PTPRS: variants seen among roughly 807,000 people sequenced by gnomAD.
The protein encoded by PTPRS is protein tyrosine phosphatase receptor type S, also known as receptor-type tyrosine-protein phosphatase S.
PTPRS carries 63 observed loss-of-function variants against 215.3 expected under a neutral mutation model. That is an observed-to-expected ratio of 0.29 (90% CI 0.24 to 0.36). The LOEUF (loss-of-function observed/expected upper bound fraction) is 0.36. Ranked by LOEUF, PTPRS falls within the 10% of genes least tolerant of loss-of-function variation. The pLI, the probability that PTPRS is intolerant of heterozygous loss-of-function variation, is 1.00. For missense variants in PTPRS, 2,258 were observed against 2,825.8 expected (o/e 0.80, Z 4.56); for synonymous variants, 1,404 against 1,191.4 (o/e 1.18, Z -3.68).
At chr19:5,232,001 T>G (rs2043059527) in intron 13 of PTPRS, among the ~76,000 whole-genome samples, 1 of 152,066 alleles carries the variant, frequency 6.6e-6, no homozygotes, top group South Asian at 2.1e-4. Flanking sequence ...CCAAGGGGAA[T>G]AGCAACAGGA....
intron 30 of PTPRS, among the ~76,000 whole-genome samples, chr19:5,214,004 G>T (rs1041758049): frequency 2.0e-5 from 3 of 152,234 alleles, no homozygotes; most frequent in Admixed American, 1.3e-4. Context: ...CTCCTTGAAG[G>T]CAGGGCTGGG....
chr19:5,305,354 T>A (rs942439027), intron 1 of PTPRS, among the ~76,000 whole-genome samples: 5 of 151,766 alleles, frequency 3.3e-5, no homozygotes, highest in Admixed American at 2.0e-4. Context: ...AAGACCAACT[T>A]GGGCAACACA....
At position 5,247,255 on chromosome 19, in the gene PTPRS, GA is replaced by G. The variant is rs571907771; in HGVS notation, c.719-1211del. On this transcript the variant is annotated intron_variant, in intron 9 of 37. Transcript: ENST00000262963. ...AAACAAGGGAATGAACTTGAACGTTGAGAGAACAGGGACATGTTCTGTGCGT... is the reference window on the plus strand; with the variant it reads ...AAACAAGGGAATGAACTTGAACGTTGGAGAACAGGGACATGTTCTGTGCGT... Among the ~76,000 whole-genome samples, 76 of 151,816 alleles carry G rather than the reference GA, an allele frequency of 5.0e-4. No individual in the cohort carries two copies. In the South Asian group the frequency reaches 0.016, roughly 31 times the overall value.
intron 1 of PTPRS, among the ~76,000 whole-genome samples, chr19:5,326,007 G>T (rs1245072232): frequency 6.6e-6 from 1 of 152,154 alleles, no homozygotes; most frequent in Non-Finnish European, 1.5e-5. Flanking sequence ...GGGGCAGGCA[G>T]ATCACTTGAG....
intron 1 of PTPRS, among the ~76,000 whole-genome samples, chr19:5,308,925 T>C (rs111536898): frequency 0.028 from 4,300 of 152,232 alleles, 97 homozygotes; most frequent in Middle Eastern, 0.061. Context: ...TCCTCTCCCT[T>C]CATTACCAGG....
intron 6 of PTPRS, 48 bp downstream of exon 6, chr19:5,262,916 A>T: frequency 6.5e-7 from 1 of 1,547,536 alleles, no homozygotes; most frequent in Non-Finnish European, 8.8e-7. Context: ...AAGGGGCACA[A>T]AGGGGATGGG....
At chr19:5,254,156 G>A (rs1246355946) in intron 9 of PTPRS, among the ~76,000 whole-genome samples, 1 of 152,206 alleles carries the variant, frequency 6.6e-6, no homozygotes, top group Non-Finnish European at 1.5e-5. Context: ...GGAGGGGCTG[G>A]GAGACCCCTT....
Position 5,257,448 on chromosome 19 carries a change from G to A in PTPRS, c.706+569C>T, listed in dbSNP as rs1228321399. On this transcript the variant is annotated intron_variant, in intron 8 of 37. Coordinates refer to ENST00000262963, the MANE Select transcript of PTPRS (RefSeq NM_002850.4). The surrounding 1 kb of genome is among the most constrained non-coding windows in gnomAD (Gnocchi z 4.4). ...GCCCTTCTCGGAGAGTCATTAGGAAGAGGCAGAAGGCGCCGGGCTCCGGAC... is the reference window on the plus strand; with the variant it reads ...GCCCTTCTCGGAGAGTCATTAGGAAAAGGCAGAAGGCGCCGGGCTCCGGAC... 1 of 458,786 alleles carries A rather than the reference G, an allele frequency of 2.2e-6. No individual in the cohort carries two copies. The highest frequency in any genetic ancestry group is 2.3e-5 in the Admixed American group (1 of 42,874). The allele number at this position is 458,786 out of a possible 1,614,324, so 28.4% of individuals were successfully genotyped here.
intron 17 of PTPRS, among the ~76,000 whole-genome samples, chr19:5,224,112 G>C (rs1288528147): frequency 6.6e-6 from 1 of 152,128 alleles, no homozygotes; most frequent in Non-Finnish European, 1.5e-5. Context: ...CCAGGAGGCA[G>C]AGGTTGCAGG....
chr19:5,284,817 C>T (rs1279104421), intron 2 of PTPRS, among the ~76,000 whole-genome samples: 1 of 151,716 alleles, frequency 6.6e-6, no homozygotes, highest in East Asian at 1.9e-4. Flanking sequence ...GCATGGTGGC[C>T]CACGCCTGTA....
intron 35 of PTPRS, among the ~76,000 whole-genome samples, chr19:5,209,797 T>C (rs1479475320): frequency 6.6e-6 from 1 of 152,192 alleles, no homozygotes. Flanking sequence ...AAGGGCACCA[T>C]CTTGCACTGC....
At chr19:5,224,306 G>A (rs2042279543) in intron 17 of PTPRS, among the ~76,000 whole-genome samples, 1 of 152,216 alleles carries the variant, frequency 6.6e-6, no homozygotes, top group South Asian at 2.1e-4. Flanking sequence ...ATGCAAAGGT[G>A]TAGAGCCGGC....
At chr19:5,233,682 T>G (rs12974453) in intron 13 of PTPRS, among the ~76,000 whole-genome samples, 123,188 of 151,108 alleles carry the variant, frequency 0.82, 50,825 homozygotes, top group African/African-American at 0.96. Context: ...AGTGGCTCAC[T>G]CCTGTAATCC....
intron 2 of PTPRS, among the ~76,000 whole-genome samples, chr19:5,276,941 G>A (rs1254703981): frequency 2.0e-5 from 3 of 151,860 alleles, no homozygotes; most frequent in Admixed American, 6.6e-5. Context: ...CCTTTTTATC[G>A]ACTATTTTTA....
intron 17 of PTPRS, among the ~76,000 whole-genome samples, chr19:5,224,437 C>A (rs891736048): frequency 4.6e-5 from 7 of 152,168 alleles, no homozygotes; most frequent in Non-Finnish European, 1.0e-4. Flanking sequence ...AATGCAGGCA[C>A]CTGACCAATA....
chr19:5,326,188 G>A (rs1345802340), intron 1 of PTPRS, among the ~76,000 whole-genome samples: 3 of 152,168 alleles, frequency 2.0e-5, no homozygotes, highest in Non-Finnish European at 4.4e-5. Context: ...CCGAGATCGG[G>A]CCATTGCACT....
At chr19:5,297,918 G>A (rs573819479) in intron 1 of PTPRS, among the ~76,000 whole-genome samples, 1 of 151,236 alleles carries the variant, frequency 6.6e-6, no homozygotes, top group East Asian at 2.0e-4. Context: ...TCAGCCTCCT[G>A]AGTAGCTGGG....
chr19:5,221,306 G>T, intron 19 of PTPRS, 53 bp from the exon 20 acceptor site: 1 of 1,563,374 alleles, frequency 6.4e-7, no homozygotes, highest in South Asian at 1.2e-5. Context: ...CCCATGGACT[G>T]AGCCCCAGCT....
At chr19:5,214,262 C>T (rs1270141354) in intron 30 of PTPRS, 99 bp downstream of exon 30, 4 of 1,532,114 alleles carry the variant, frequency 2.6e-6, no homozygotes, top group Non-Finnish European at 3.6e-6. Context: ...CGCTTTCTCT[C>T]TGTCCCATGG....
Sources: gnomAD v4.1 joint callset for allele counts (sites outside exome capture counted in the v4.1 genomes callset) on GRCh38, gnomAD v4.1.1 for gene constraint, Gnocchi (gnomAD v3.1) non-coding constraint, MANE v1.5 for transcripts, NCBI Gene and HGNC (gene_info 2026-07-23, HGNC 2026-07-21) for gene names.